Variants in RPLP1 observed in about 807,000 individuals in gnomAD.
The protein encoded by RPLP1 is ribosomal protein lateral stalk subunit P1.
In RPLP1, 4 loss-of-function variants were observed where a neutral mutation model predicts 11.6. That is an observed-to-expected ratio of 0.34 (90% CI 0.17 to 0.79). The LOEUF (loss-of-function observed/expected upper bound fraction) is 0.79, where lower values mean the gene tolerates loss of function less well. Among genes scored for constraint, RPLP1 ranks in the 30% least tolerant of loss-of-function variants. RPLP1 has a pLI of 0.55. For missense variants in RPLP1, 133 were observed against 142.8 expected, an observed-to-expected ratio of 0.93 and a Z score of 0.35; for synonymous variants, 54 against 52.2, an observed-to-expected ratio of 1.03 and a Z score of -0.15.
Position 69,455,237 on chromosome 15 carries a change from C to G in RPLP1, c.215C>G (p.Ala72Gly). Residue 72 changes from alanine (A) to glycine (G), a missense_variant, in exon 3 of 4, where the codon GCT becomes GGT. Transcript: ENST00000260379. ...GGGGCCGGTGGACCTGCTCCAGCAGCTGGTGCTGCACCAGCAGGAGGTCCT... is the reference window on the plus strand; with the variant it reads ...GGGGCCGGTGGACCTGCTCCAGCAGGTGGTGCTGCACCAGCAGGAGGTCCT... ...NVGAGGPAPA[A>G]GAAPAGGPAP... 1 of 1,605,618 alleles carries G rather than the reference C, an allele frequency of 6.2e-7. No individual in the cohort carries two copies.
At chr15:69,453,134 C>A in intron 1 of RPLP1, 114 bp downstream of exon 1, 1 of 1,003,162 alleles carries the variant, frequency 1.0e-6, no homozygotes, top group Non-Finnish European at 1.5e-6. Context: ...GGGGCCAGGC[C>A]GCGAACACAG....
rs1892424938 is a variant in RPLP1, at chr15:69,455,651, C to G, written c.*144C>G. Reference sequence around the variant, plus strand: ...CTGCCATGACACAGGCTGGATTTTCCCTGCCACCATTGCCGGATGTGAGAT... The same window carrying G: ...CTGCCATGACACAGGCTGGATTTTCGCTGCCACCATTGCCGGATGTGAGAT... On this transcript the variant is annotated 3_prime_UTR_variant, in exon 4 of 4. Transcript: ENST00000260379. 1 of 637,902 alleles carries G rather than the reference C, an allele frequency of 1.6e-6. No homozygotes were observed. Among genetic ancestry groups the G allele is most frequent in the Non-Finnish European group, 2.7e-6 (1 of 373,556 alleles). The allele number at this position is 637,902 out of a possible 1,614,324, so 39.5% of individuals were successfully genotyped here. A position where few individuals can be genotyped will look rare whatever the true frequency, so the allele number is the denominator to read the frequency against.
At position 69,455,512 on chromosome 15, in the gene RPLP1, CTT is replaced by C; in HGVS notation, c.*8_*9del. On this transcript the variant is annotated 3_prime_UTR_variant, in exon 4 of 4. Coordinates refer to ENST00000260379, the MANE Select transcript of RPLP1 (RefSeq NM_001003.3). Reference sequence around the variant, plus strand: ...GGCTTTGGTCTTTTTGACTAAACCTCTTTTATAACATGTTCAATAAAAAGCTG... The same window carrying C: ...GGCTTTGGTCTTTTTGACTAAACCTCTTATAACATGTTCAATAAAAAGCTG... 1 of 1,592,428 alleles carries C rather than the reference CTT, an allele frequency of 6.3e-7. No individual in the cohort carries two copies.
At chr15:69,453,585 C>T in intron 1 of RPLP1, 62 bp from the exon 2 acceptor site, 1 of 1,523,718 alleles carries the variant, frequency 6.6e-7, no homozygotes, top group East Asian at 2.2e-5. Flanking sequence ...GAGTGACGTG[C>T]AGCATTTTGG....
intron 2 of RPLP1, 47 bp downstream of exon 2, chr15:69,453,768 C>T (rs1399121611): frequency 2.5e-6 from 4 of 1,600,406 alleles, no homozygotes; most frequent in African/African-American, 1.3e-5. Context: ...TGCTGATTTA[C>T]GAGGGCAGTT....
chr15:69,453,292 C>T (rs1249286784), intron 1 of RPLP1: 2 of 579,780 alleles, frequency 3.4e-6, no homozygotes, highest in Non-Finnish European at 6.1e-6. Context: ...AAAGCTCTTC[C>T]GCAGTGCTTG....
rs941631198 is a variant in RPLP1 at position 69,452,824 on chromosome 15, T to C, written c.-125T>C. 2.3e-6 allele frequency: 2 copies of C among 871,422 alleles called. No individual in the cohort carries two copies. The highest frequency in any genetic ancestry group is 2.1e-5 in the Admixed American group (1 of 48,330). The allele number at this position is 871,422 out of a possible 1,614,324, so 54.0% of individuals were successfully genotyped here. ...CTGCGTATAGGCGCGAGAGCCCCTT[T>C]CCTCAGCTGCCGCCAAGGTGCTCGG... On this transcript the variant is annotated 5_prime_UTR_variant, in exon 1 of 4. Transcript: ENST00000260379.
In RPLP1 at chr15:69,453,274, C is replaced by A. The variant is rs565291728; in HGVS notation, c.72+254C>A. The A allele has an allele frequency of 2.0e-4, 116 of 581,064 alleles. No homozygotes were observed. In the African/African-American group the frequency reaches 2.0e-3, roughly 10 times the overall value. The allele number at this position is 581,064 out of a possible 1,614,324, so 36.0% of individuals were successfully genotyped here. ...TGGGCGCTCCGGCTCCAAGAGCCTT[C>A]GTGTAGAAAAGCTCTTCCGCAGTGC... On this transcript the variant is annotated intron_variant, in intron 1 of 3. Coordinates refer to ENST00000260379, the MANE Select transcript of RPLP1 (RefSeq NM_001003.3).
chr15:69,455,528 A>G lies in RPLP1; in HGVS notation c.*21A>G, dbSNP rs753479085. On this transcript the variant is annotated 3_prime_UTR_variant, in exon 4 of 4. Coordinates refer to ENST00000260379, the MANE Select transcript of RPLP1 (RefSeq NM_001003.3). ...ACTAAACCTCTTTTATAACATGTTC[A>G]ATAAAAAGCTGAACTTTACTGCTGT... 1 of 1,558,006 alleles carries G rather than the reference A, an allele frequency of 6.4e-7. No individual in the cohort carries two copies. Among genetic ancestry groups the G allele is most frequent in the South Asian group, 1.1e-5 (1 of 87,486 alleles).
At position 69,452,866 on chromosome 15, in the gene RPLP1, A is replaced by G. The variant is rs1892367288; in HGVS notation, c.-83A>G. On this transcript the variant is annotated 5_prime_UTR_variant, in exon 1 of 4. Transcript: ENST00000260379. ...GGTGCTCGGTCCTTCCGAGGAAGCTAAGGCTGCGTTGGGGTGAGGCCCTCA... is the reference window on the plus strand; with the variant it reads ...GGTGCTCGGTCCTTCCGAGGAAGCTGAGGCTGCGTTGGGGTGAGGCCCTCA... 2 of 1,289,986 alleles carry G rather than the reference A, an allele frequency of 1.6e-6. No homozygotes were observed. The highest frequency in any genetic ancestry group is 2.2e-6 in the Non-Finnish European group (2 of 919,644). The allele number at this position is 1,289,986 out of a possible 1,614,324, so 79.9% of individuals were successfully genotyped here. A position where few individuals can be genotyped will look rare whatever the true frequency, so the allele number is the denominator to read the frequency against.
intron 2 of RPLP1, chr15:69,454,235 GT>G: frequency 6.5e-6 from 1 of 153,750 alleles, no homozygotes; most frequent in Non-Finnish European, 1.5e-5. Flanking sequence ...GTTTCACCAT[GT>G]TAGCCAGGAT....
chr15:69,453,835 C>T, intron 2 of RPLP1, 114 bp downstream of exon 2: 3 of 1,056,282 alleles, frequency 2.8e-6, no homozygotes, highest in East Asian at 4.8e-5. Flanking sequence ...GCTGGATCTC[C>T]TAGGTGTTTT....
At position 69,455,429 on chromosome 15, in the gene RPLP1, TGAG is replaced by T. The variant is rs762069154; in HGVS notation, c.271_273del (p.Glu91del). 6 of 1,608,832 alleles carry T rather than the reference TGAG, an allele frequency of 3.7e-6. No individual in the cohort carries two copies. The highest frequency in any genetic ancestry group is 1.7e-5 in the Admixed American group (1 of 58,538). On this transcript the variant is annotated inframe_deletion and splice_region_variant, in exon 4 of 4. Coordinates refer to ENST00000260379, the MANE Select transcript of RPLP1 (RefSeq NM_001003.3). ...ACCTGATTGACTTTTTTTTTCTAGC[TGAG>T]GAGAAGAAAGTGGAAGCAAAGAAAG...
At position 69,455,483 on chromosome 15, in the gene RPLP1, C is replaced by T. The variant is rs370055255; in HGVS notation, c.321C>T (p.Asp107=). 237 of 1,609,516 alleles carry T rather than the reference C, an allele frequency of 1.5e-4. No individual in the cohort carries two copies. The highest frequency in any genetic ancestry group is 2.0e-4 in the Non-Finnish European group (232 of 1,179,328). Residue 107 remains aspartate, a synonymous_variant, in exon 4 of 4, where the codon GAC becomes GAT. Coordinates refer to ENST00000260379, the MANE Select transcript of RPLP1 (RefSeq NM_001003.3). ...KKEESEESDD[D]MGFGLFD ...AAGAATCCGAGGAGTCTGATGATGA[C>T]ATGGGCTTTGGTCTTTTTGACTAAA...
At chr15:69,453,589 A>G in intron 1 of RPLP1, 58 bp from the exon 2 acceptor site, 1 of 1,552,060 alleles carries the variant, frequency 6.4e-7, no homozygotes, top group Non-Finnish European at 8.9e-7. Flanking sequence ...GACGTGCAGC[A>G]TTTTGGAGAT....
chr15:69,455,937 G>T lies in RPLP1; in HGVS notation c.*430G>T, dbSNP rs529645880. 1.9e-5 allele frequency: 3 copies of T among 155,852 alleles called. No individual in the cohort carries two copies. The highest frequency in any genetic ancestry group is 4.8e-5 in the African/African-American group (2 of 41,512). 9.7% of individuals were successfully genotyped at this position (155,852 alleles called of 1,614,324 possible). ...TGAATGTTGACTGCTACATCCCAAG[G>T]TTGTAAAAAAACAAGACTTAGCTAT... On this transcript the variant is annotated 3_prime_UTR_variant, in exon 4 of 4. Coordinates refer to ENST00000260379, the MANE Select transcript of RPLP1 (RefSeq NM_001003.3).
Position 69,452,873 on chromosome 15 carries a change from C to A in RPLP1, c.-76C>A, listed in dbSNP as rs1892368933. 4 of 1,349,460 alleles carry A rather than the reference C, an allele frequency of 3.0e-6. No homozygotes were observed. In the Admixed American group the frequency reaches 7.9e-5, roughly 27 times the overall value. 83.6% of individuals were successfully genotyped at this position (1,349,460 alleles called of 1,614,324 possible). Reference sequence around the variant, plus strand: ...GGTCCTTCCGAGGAAGCTAAGGCTGCGTTGGGGTGAGGCCCTCACTTCATC... The same window carrying A: ...GGTCCTTCCGAGGAAGCTAAGGCTGAGTTGGGGTGAGGCCCTCACTTCATC... On this transcript the variant is annotated 5_prime_UTR_variant, in exon 1 of 4. Coordinates refer to ENST00000260379, the MANE Select transcript of RPLP1 (RefSeq NM_001003.3).
At chr15:69,455,016 C>A in intron 2 of RPLP1, 154 bp from the exon 3 acceptor site, 2 of 1,114,540 alleles carry the variant, frequency 1.8e-6, no homozygotes, top group Non-Finnish European at 2.4e-6. Flanking sequence ...GCTTATTTTT[C>A]CACTGTTGAA....
At position 69,455,737 on chromosome 15, in the gene RPLP1, G is replaced by T. The variant is rs142400150; in HGVS notation, c.*230G>T. ...TGGTACAGTGTTGAAAACTGCACTG[G>T]GGTGGCAGGAGGAAGGATCAGAGCA... On this transcript the variant is annotated 3_prime_UTR_variant, in exon 4 of 4. Coordinates refer to ENST00000260379, the MANE Select transcript of RPLP1 (RefSeq NM_001003.3). 3.5e-5 allele frequency: 19 copies of T among 538,672 alleles called. No homozygotes were observed. The East Asian group carries it at 6.0e-4, about 17-fold the overall frequency. The allele number at this position is 538,672 out of a possible 1,614,324, so 33.4% of individuals were successfully genotyped here.
Sources: allele counts gnomAD v4.1 joint callset, GRCh38; gene constraint gnomAD v4.1.1; transcripts MANE v1.5; gene names NCBI Gene and HGNC (gene_info 2026-07-23, HGNC 2026-07-21).